YEATS2: variants seen among roughly 807,000 people sequenced by gnomAD.
The protein encoded by YEATS2 is YEATS domain-containing protein 2.
Under a neutral mutation model 163.2 loss-of-function variants are expected in YEATS2, and 77 were observed. That is an observed-to-expected ratio of 0.47 (90% CI 0.39 to 0.57). The LOEUF is 0.57. YEATS2 is among the 20% of genes least tolerant of loss of function. The pLI is 0.00. For missense variants in YEATS2, 1,549 were observed against 1,729.8 expected, an observed-to-expected ratio of 0.90 and a Z score of 1.85; for synonymous variants, 631 against 645.1, an observed-to-expected ratio of 0.98 and a Z score of 0.33.
At chr3:183,724,668 A>C in intron 6 of YEATS2, 137 bp downstream of exon 6, 1 of 629,122 alleles carries the variant, frequency 1.6e-6, no homozygotes, top group Non-Finnish European at 2.6e-6. Flanking sequence ...AAAGTAAACC[A>C]CAGTCTAGAG....
At chr3:183,801,631 G>A (rs1184629338) in intron 25 of YEATS2, 103 bp downstream of exon 25, 2 of 867,916 alleles carry the variant, frequency 2.3e-6, no homozygotes, top group East Asian at 5.7e-5. Context: ...ATATTGATAT[G>A]GCGGTTACCT....
At chr3:183,770,768 T>G (rs1016499750) in intron 15 of YEATS2, among the ~76,000 whole-genome samples, 3 of 152,240 alleles carry the variant, frequency 2.0e-5, no homozygotes, top group Non-Finnish European at 4.4e-5. Context: ...ACTTACATTT[T>G]TCTGCAACTC....
At chr3:183,771,912 A>G (rs1488916227) in intron 15 of YEATS2, among the ~76,000 whole-genome samples, 2 of 151,546 alleles carry the variant, frequency 1.3e-5, no homozygotes, top group Non-Finnish European at 1.5e-5. Flanking sequence ...TTTTTAGTAG[A>G]GATTGGATTT....
At chr3:183,731,375 TATTA>T (rs1370159801) in intron 7 of YEATS2, among the ~76,000 whole-genome samples, 5 of 152,016 alleles carry the variant, frequency 3.3e-5, no homozygotes, top group Non-Finnish European at 5.9e-5. Flanking sequence ...TCTTCTTGTG[TATTA>T]ATTATATTTT....
rs1350874874 is a variant in YEATS2 at position 183,772,320 on chromosome 3, G to T, written c.1963G>T (p.Val655Phe). 2 of 1,614,004 alleles carry T rather than the reference G, an allele frequency of 1.2e-6. No individual in the cohort carries two copies. Among genetic ancestry groups the T allele is most frequent in the African/African-American group, 2.7e-5 (2 of 75,062 alleles). ...VQPSKVVGVP[V>F]GSALPSTVKQ... ...TTTTGAACAGGTTGTCGGGGTACCA[G>T]TTGGGTCTGCTTTACCTTCAACAGT... The change falls in exon 16 of 31, where the codon GTT (valine) becomes TTT (phenylalanine). Residue 655 changes from valine to phenylalanine, a missense_variant. Val to Phe is a conservative substitution (Grantham distance 50, BLOSUM62 -1). Transcript: ENST00000305135.
chr3:183,728,667 G>C (rs189240224), intron 6 of YEATS2, 23 bp from the exon 7 acceptor site: 3 of 1,523,586 alleles, frequency 2.0e-6, no homozygotes, highest in Non-Finnish European at 2.6e-6. Context: ...AAGAATTCAG[G>C]TTTCTTTTTT....
At chr3:183,747,791 T>G in intron 9 of YEATS2, 75 bp downstream of exon 9, 1 of 1,464,114 alleles carries the variant, frequency 6.8e-7, no homozygotes, top group Non-Finnish European at 9.5e-7. Context: ...TTTGTTTGTT[T>G]GTTTTGAGAC....
At chr3:183,764,616 G>A (rs1267852645) in intron 15 of YEATS2, among the ~76,000 whole-genome samples, 1 of 151,950 alleles carries the variant, frequency 6.6e-6, no homozygotes, top group Non-Finnish European at 1.5e-5. Flanking sequence ...TCGAGATCAG[G>A]CCAACATAGT....
intron 19 of YEATS2, among the ~76,000 whole-genome samples, chr3:183,785,488 CAA>C (rs146941322): frequency 3.8e-4 from 20 of 52,252 alleles, no homozygotes; most frequent in African/African-American, 5.6e-4. Context: ...GACTCTGTCT[CAA>C]AAAAAAAAAA....
At chr3:183,710,136 T>G (rs1303038794) in intron 1 of YEATS2, among the ~76,000 whole-genome samples, 2 of 152,218 alleles carry the variant, frequency 1.3e-5, no homozygotes, top group Non-Finnish European at 2.9e-5. Flanking sequence ...TTCCTAGCAG[T>G]TCCTAGTACC....
In YEATS2 at chr3:183,762,234, T is replaced by C. The variant is rs1406836327; in HGVS notation, c.1902T>C (p.Thr634=). The C allele has an allele frequency of 6.2e-7, 1 of 1,611,828 alleles. No individual in the cohort carries two copies. Among genetic ancestry groups the C allele is most frequent in the African/African-American group, 1.3e-5 (1 of 74,910 alleles). Reference sequence around the variant, plus strand: ...TGTCCCCTCAAAAACAGGTCATAACTCCTGGAGAAGGGATTGCCCAGTCAG... The same window carrying C: ...TGTCCCCTCAAAAACAGGTCATAACCCCTGGAGAAGGGATTGCCCAGTCAG... ...IAVSPQKQVI[T]PGEGIAQSAK... is the part of the protein sequence containing the mutation. The change falls in exon 15 of 31, where the codon ACT becomes ACC. Residue 634 remains threonine, a synonymous_variant. Transcript: ENST00000305135.
intron 9 of YEATS2, among the ~76,000 whole-genome samples, chr3:183,750,706 T>C (rs1720072410): frequency 1.3e-5 from 2 of 152,248 alleles, no homozygotes; most frequent in Non-Finnish European, 2.9e-5. Flanking sequence ...TTCATGTGTT[T>C]GGTGACCATG....
chr3:183,762,618 A>G (rs944163838), intron 15 of YEATS2, among the ~76,000 whole-genome samples: 1 of 151,848 alleles, frequency 6.6e-6, no homozygotes, highest in African/African-American at 2.4e-5. Context: ...TTGTTTATTT[A>G]TGGTAGGAGA....
At chr3:183,800,669 C>A in intron 24 of YEATS2, 101 bp downstream of exon 24, 1 of 925,088 alleles carries the variant, frequency 1.1e-6, no homozygotes, top group Non-Finnish European at 1.7e-6. Flanking sequence ...GCTCTAAGCC[C>A]TTGACGGGAG....
In YEATS2 at chr3:183,807,772, C is replaced by G. The variant is rs1037745572; in HGVS notation, c.4012-258C>G. 3 of 392,566 alleles carry G rather than the reference C, an allele frequency of 7.6e-6. No individual in the cohort carries two copies. In the Admixed American group the frequency reaches 1.3e-4, roughly 17 times the overall value. The allele number at this position is 392,566 out of a possible 1,614,324, so 24.3% of individuals were successfully genotyped here. ...AACCCAGGCAGATCCCAACCATGTT[C>G]TCCCACGAAGGAGATTTGAGAGATT... On this transcript the variant is annotated intron_variant, in intron 28 of 30. Transcript: ENST00000305135.
chr3:183,797,874 C>G, intron 21 of YEATS2, 49 bp from the exon 22 acceptor site: 1 of 1,610,032 alleles, frequency 6.2e-7, no homozygotes, highest in Non-Finnish European at 8.5e-7. Context: ...AAGAGACTTT[C>G]CCGAAGCACC....
intron 2 of YEATS2, among the ~76,000 whole-genome samples, chr3:183,717,082 G>A (rs1715971498): frequency 1.3e-5 from 2 of 151,920 alleles, no homozygotes; most frequent in Admixed American, 6.6e-5. Context: ...TGGTAGAGAC[G>A]GGGTTTCACC....
At chr3:183,809,320 C>G in intron 30 of YEATS2, 150 bp downstream of exon 30, 1 of 734,528 alleles carries the variant, frequency 1.4e-6, no homozygotes. Flanking sequence ...GCTCAAGGGT[C>G]TGCTTTGTCA....
intron 1 of YEATS2, among the ~76,000 whole-genome samples, chr3:183,701,133 G>A (rs1474868887): frequency 6.6e-6 from 1 of 150,780 alleles, no homozygotes; most frequent in Non-Finnish European, 1.5e-5. Flanking sequence ...CCAGGCTGGA[G>A]TGCAGTGGCG....
Sources: allele counts gnomAD v4.1 joint callset (sites outside exome capture counted in the v4.1 genomes callset), GRCh38; gene constraint gnomAD v4.1.1; transcripts MANE v1.5; gene names NCBI Gene and HGNC (gene_info 2026-07-23, HGNC 2026-07-21).